The following SCGN variants were observed in gnomAD, a reference collection of about 807,000 sequenced individuals.
SCGN encodes the protein secretagogin, EF-hand calcium binding protein, also known as secretagogin.
SCGN carries 30 observed loss-of-function variants against 39.7 expected under a neutral mutation model. The observed-to-expected ratio is 0.76, with a 90% confidence interval of 0.57 to 1.03. The LOEUF is 1.03. SCGN is among the 50% of genes least tolerant of loss of function. SCGN has a pLI of 0.00. For synonymous variants in SCGN, 106 were observed against 114.1 expected, an observed-to-expected ratio of 0.93 and a Z score of 0.45; for missense variants, 353 against 349.4, an observed-to-expected ratio of 1.01 and a Z score of -0.08.
intron 4 of SCGN, among the ~76,000 whole-genome samples, chr6:25,668,056 A>T (rs1759417193): frequency 6.6e-6 from 1 of 152,206 alleles, no homozygotes; most frequent in South Asian, 2.1e-4. Flanking sequence ...GTTGTTACTA[A>T]ATATCAGCAT....
chr6:25,699,406 T>A (rs929576410), intron 10 of SCGN, among the ~76,000 whole-genome samples: 1 of 150,964 alleles, frequency 6.6e-6, no homozygotes, highest in African/African-American at 2.4e-5. Context: ...CTGGCCAACA[T>A]GGTGAAACCC....
chr6:25,667,676 T>C (rs908125020), intron 4 of SCGN, among the ~76,000 whole-genome samples: 1 of 152,230 alleles, frequency 6.6e-6, no homozygotes, highest in African/African-American at 2.4e-5. Context: ...TCCTTCATCC[T>C]GTTCCTTCTT....
At chr6:25,657,999 T>G (rs13193777) in intron 2 of SCGN, among the ~76,000 whole-genome samples, 1 of 128,218 alleles carries the variant, frequency 7.8e-6, no homozygotes, top group Non-Finnish European at 1.7e-5. Context: ...TTTAGAAAGG[T>G]ATCCTTTTTT....
At chr6:25,669,389 C>T (rs1490830165) in intron 4 of SCGN, 122 bp from the exon 5 acceptor site, 2 of 833,018 alleles carry the variant, frequency 2.4e-6, no homozygotes, top group African/African-American at 1.7e-5. Context: ...CTAAAGTTTC[C>T]ATCAAAAGTG....
intron 7 of SCGN, among the ~76,000 whole-genome samples, chr6:25,685,083 T>C (rs77208121): frequency 0.024 from 3,641 of 152,118 alleles, 106 homozygotes; most frequent in African/African-American, 0.066. Context: ...GGCTAAAGAA[T>C]GTAGGCAGCC....
intron 6 of SCGN, among the ~76,000 whole-genome samples, chr6:25,677,113 G>A (rs1023543168): frequency 2.6e-5 from 4 of 151,670 alleles, no homozygotes; most frequent in African/African-American, 9.7e-5. Context: ...CGGTGCCTTT[G>A]TTCTTACATT....
At chr6:25,695,586 A>G (rs1209566776) in intron 10 of SCGN, among the ~76,000 whole-genome samples, 2 of 152,056 alleles carry the variant, frequency 1.3e-5, no homozygotes, top group Non-Finnish European at 2.9e-5. Context: ...CTGGAGTGCA[A>G]TGGCGTGATA....
intron 6 of SCGN, among the ~76,000 whole-genome samples, chr6:25,673,045 A>G (rs72838866): frequency 0.093 from 14,102 of 152,146 alleles, 786 homozygotes; most frequent in Non-Finnish European, 0.13. Context: ...GACAAGTAGT[A>G]GCCTACTTAA....
chr6:25,688,063 T>C (rs1363474481), intron 7 of SCGN, among the ~76,000 whole-genome samples: 1 of 152,214 alleles, frequency 6.6e-6, no homozygotes, highest in African/African-American at 2.4e-5. Context: ...TTTTAGTTAT[T>C]GTTTTATGAA....
chr6:25,655,736 G>A (rs1020931986), intron 2 of SCGN, among the ~76,000 whole-genome samples: 1 of 152,302 alleles, frequency 6.6e-6, no homozygotes. Flanking sequence ...GTCTGCCAAA[G>A]ATCTTTCATT....
intron 6 of SCGN, among the ~76,000 whole-genome samples, chr6:25,670,838 G>A (rs560565200): frequency 2.0e-5 from 3 of 152,096 alleles, no homozygotes; most frequent in South Asian, 4.1e-4. Context: ...CACCTAACTC[G>A]ATGCATTTCT....
chr6:25,672,087 G>A (rs1443539240), intron 6 of SCGN, among the ~76,000 whole-genome samples: 2 of 151,956 alleles, frequency 1.3e-5, no homozygotes, highest in Non-Finnish European at 2.9e-5. Flanking sequence ...CTCATCCTTC[G>A]ATATTCAGTT....
intron 2 of SCGN, 81 bp downstream of exon 2, chr6:25,653,533 T>TCAATA: frequency 2.0e-6 from 2 of 1,015,872 alleles, no homozygotes; most frequent in Non-Finnish European, 3.0e-6. Context: ...TTGGTACCTA[T>TCAATA]TAATTCCAAC....
At chr6:25,680,841 A>T (rs1308516263) in intron 6 of SCGN, among the ~76,000 whole-genome samples, 1 of 152,248 alleles carries the variant, frequency 6.6e-6, no homozygotes, top group Non-Finnish European at 1.5e-5. Context: ...TGGTGAGAAT[A>T]GGTTTTCAAA....
At chr6:25,652,530 C>T in intron 1 of SCGN, 45 bp downstream of exon 1, 1 of 1,568,342 alleles carries the variant, frequency 6.4e-7, no homozygotes, top group Non-Finnish European at 8.8e-7. Flanking sequence ...AGACGTGGCT[C>T]CAAGCTCAGC....
intron 7 of SCGN, among the ~76,000 whole-genome samples, chr6:25,685,134 G>A (rs545233977): frequency 1.3e-5 from 2 of 152,276 alleles, no homozygotes; most frequent in South Asian, 4.2e-4. Flanking sequence ...TTCTCCCCGA[G>A]AACCTCCAGA....
At chr6:25,685,318 A>G (rs959829235) in intron 7 of SCGN, among the ~76,000 whole-genome samples, 1 of 152,210 alleles carries the variant, frequency 6.6e-6, no homozygotes, top group Non-Finnish European at 1.5e-5. Flanking sequence ...ACATTTCCAG[A>G]TAGGATTTTT....
chr6:25,658,003 CTTTTTTTTTTTTTTTTTTTTTTTTTTTTT>C (rs759915721), intron 2 of SCGN, among the ~76,000 whole-genome samples: 594 of 70,260 alleles, frequency 8.5e-3, no homozygotes, highest in African/African-American at 9.3e-3. Context: ...GAAAGGTATC[CTTTTTTTTTTTTTTTTTTTTTTTTTTTTT>C]TTTTTTTTTT....
chr6:25,673,052 T>C (rs9461193), intron 6 of SCGN, among the ~76,000 whole-genome samples: 1,965 of 152,234 alleles, frequency 0.013, 26 homozygotes, highest in African/African-American at 0.035. Context: ...AGTAGCCTAC[T>C]TAATGCAAGT....
Sources: gnomAD v4.1 joint callset for allele counts (sites outside exome capture counted in the v4.1 genomes callset) on GRCh38, gnomAD v4.1.1 for gene constraint, MANE v1.5 for transcripts, NCBI Gene and HGNC (gene_info 2026-07-23, HGNC 2026-07-21) for gene names.